MEIS1: variants seen among roughly 807,000 people sequenced by gnomAD.
MEIS1 encodes homeobox protein Meis1.
MEIS1 carries 5 observed loss-of-function variants against 50.8 expected under a neutral mutation model. That is an observed-to-expected ratio of 0.10 (90% CI 0.05 to 0.21). The LOEUF (loss-of-function observed/expected upper bound fraction) is 0.21. Ranked by LOEUF, MEIS1 falls within the 10% of genes least tolerant of loss-of-function variation. The pLI is 1.00. For synonymous variants in MEIS1, 176 were observed against 179.3 expected, an observed-to-expected ratio of 0.98 and a Z score of 0.15; for missense variants, 318 against 517.3, an observed-to-expected ratio of 0.61 and a Z score of 3.74.
chr2:66,470,925 A>G (rs1672747760), intron 7 of MEIS1, among the ~76,000 whole-genome samples: 2 of 152,362 alleles, frequency 1.3e-5, no homozygotes, highest in Non-Finnish European at 2.9e-5. Context: ...GTTACCAAGT[A>G]ACTGCTTTAC....
intron 7 of MEIS1, among the ~76,000 whole-genome samples, chr2:66,507,201 G>A (rs946462028): frequency 4.6e-5 from 7 of 152,064 alleles, no homozygotes; most frequent in African/African-American, 1.7e-4. Flanking sequence ...AGGCACAATC[G>A]AATTTATGCA....
At chr2:66,559,356 A>G (rs1675154619) in intron 9 of MEIS1, among the ~76,000 whole-genome samples, 1 of 152,212 alleles carries the variant, frequency 6.6e-6, no homozygotes, top group Non-Finnish European at 1.5e-5. Flanking sequence ...GTAATTGTTA[A>G]CAGTGCCTCT....
intron 9 of MEIS1, among the ~76,000 whole-genome samples, chr2:66,564,865 CT>C (rs1572908617): frequency 6.6e-6 from 1 of 151,158 alleles, no homozygotes; most frequent in East Asian, 2.1e-4. Flanking sequence ...AATGCTATCC[CT>C]TCCCCCTCCC....
chr2:66,553,075 G>A (rs1674962469), intron 9 of MEIS1, among the ~76,000 whole-genome samples: 1 of 152,230 alleles, frequency 6.6e-6, no homozygotes, highest in South Asian at 2.1e-4. Flanking sequence ...GATGCAAGAA[G>A]CTCTGGGTCA....
chr2:66,534,271 C>T (rs993234680), intron 8 of MEIS1, among the ~76,000 whole-genome samples: 3 of 152,210 alleles, frequency 2.0e-5, no homozygotes, highest in Admixed American at 2.0e-4. Flanking sequence ...CGCAGTGGCT[C>T]ACACCTGTAA....
chr2:66,544,064 G>A (rs1316702486), intron 8 of MEIS1, among the ~76,000 whole-genome samples: 1 of 152,188 alleles, frequency 6.6e-6, no homozygotes, highest in Non-Finnish European at 1.5e-5. Context: ...GCCTTTAGTT[G>A]CAAAGGTTTG....
chr2:66,503,850 T>C lies in MEIS1; in HGVS notation c.743-8299T>C, dbSNP rs549361554. Among the ~76,000 whole-genome samples the C allele has an allele frequency of 5.4e-5, 8 of 149,108 alleles. No homozygotes were observed. In the East Asian group the frequency reaches 1.7e-3, roughly 31 times the overall value. ...AGCTCTGCCTCCCGGGTTCGCGCCA[T>C]TCTCCTGCCTCATCCTCCCAAGTAG... is the stretch of plus-strand genomic sequence containing the variant. On this transcript the variant is annotated intron_variant, in intron 7 of 12. Coordinates refer to ENST00000272369, the MANE Select transcript of MEIS1 (RefSeq NM_002398.3).
intron 9 of MEIS1, among the ~76,000 whole-genome samples, chr2:66,559,326 G>A (rs186732257): frequency 1.3e-5 from 2 of 152,306 alleles, no homozygotes; most frequent in Admixed American, 1.3e-4. Context: ...GAGGCTCATG[G>A]TTTATGCCTG....
intron 7 of MEIS1, among the ~76,000 whole-genome samples, chr2:66,508,002 A>G (rs1173039645): frequency 2.0e-5 from 3 of 152,214 alleles, no homozygotes; most frequent in Non-Finnish European, 4.4e-5. Context: ...GGCCTCTTTC[A>G]CTAGACCATG....
chr2:66,534,445 G>A (rs1674470037), intron 8 of MEIS1, among the ~76,000 whole-genome samples: 2 of 152,020 alleles, frequency 1.3e-5, no homozygotes, highest in African/African-American at 4.8e-5. Flanking sequence ...GAGGCAGGAG[G>A]ATTGCTTGAA....
chr2:66,512,119 C>A, intron 7 of MEIS1, 30 bp from the exon 8 acceptor site: 1 of 1,527,824 alleles, frequency 6.5e-7, no homozygotes, highest in South Asian at 1.3e-5. Flanking sequence ...AAGGTAGCAT[C>A]AGTCAAAATT....
chr2:66,520,171 A>G (rs1674077211), intron 8 of MEIS1, among the ~76,000 whole-genome samples: 2 of 152,018 alleles, frequency 1.3e-5, no homozygotes, highest in African/African-American at 4.8e-5. Flanking sequence ...ATTCTTATCT[A>G]TTATTTAAAG....
At chr2:66,443,142 A>G (rs546406334) in intron 6 of MEIS1, 94 bp downstream of exon 6, 320 of 1,358,740 alleles carry the variant, frequency 2.4e-4, no homozygotes, top group Admixed American at 1.7e-3. Flanking sequence ...TATTATTTGC[A>G]TATGATTAAG....
At chr2:66,543,286 A>T (rs1376479832) in intron 8 of MEIS1, among the ~76,000 whole-genome samples, 1 of 152,090 alleles carries the variant, frequency 6.6e-6, no homozygotes, top group Admixed American at 6.6e-5. Flanking sequence ...TTAAGCAATC[A>T]CTCTATACTG....
chr2:66,488,545 G>A (rs1673196560), intron 7 of MEIS1, among the ~76,000 whole-genome samples: 1 of 152,076 alleles, frequency 6.6e-6, no homozygotes, highest in African/African-American at 2.4e-5. Flanking sequence ...GGGCATGGTG[G>A]TGGGCGCCTG....
chr2:66,539,070 G>A (rs1271455822), intron 8 of MEIS1, among the ~76,000 whole-genome samples: 1 of 152,084 alleles, frequency 6.6e-6, no homozygotes, highest in Non-Finnish European at 1.5e-5. Flanking sequence ...TGTATTTTTA[G>A]TAGAGACAGG....
At chr2:66,549,922 G>A (rs1674878614) in intron 9 of MEIS1, among the ~76,000 whole-genome samples, 1 of 152,100 alleles carries the variant, frequency 6.6e-6, no homozygotes, top group Non-Finnish European at 1.5e-5. Context: ...GCATTCTTGT[G>A]ACTTCAAGCA....
At chr2:66,566,319 G>A (rs1192375166) in intron 9 of MEIS1, among the ~76,000 whole-genome samples, 4 of 152,106 alleles carry the variant, frequency 2.6e-5, no homozygotes, top group Non-Finnish European at 5.9e-5. Flanking sequence ...TAATGGTTTG[G>A]TTTTTAGGAA....
intron 4 of MEIS1, 108 bp from the exon 5 acceptor site, chr2:66,441,306 A>G: frequency 1.1e-6 from 1 of 904,124 alleles, no homozygotes; most frequent in Non-Finnish European, 1.6e-6. Flanking sequence ...ATAAATCAAA[A>G]TAACTCTATT....
Sources: allele counts gnomAD v4.1 joint callset (sites outside exome capture counted in the v4.1 genomes callset), GRCh38; gene constraint gnomAD v4.1.1; transcripts MANE v1.5; gene names NCBI Gene and HGNC (gene_info 2026-07-23, HGNC 2026-07-21).